The following UNC5C variants were observed in gnomAD, a reference collection of about 807,000 sequenced individuals.
The protein encoded by UNC5C is unc-5 netrin receptor C.
A neutral mutation model predicts 99.8 loss-of-function variants in UNC5C; 47 were observed. The observed-to-expected ratio is 0.47, with a 90% CI of 0.37 to 0.60. UNC5C has a LOEUF of 0.60. UNC5C is among the 20% of genes least tolerant of loss of function. UNC5C has a pLI of 0.00. For synonymous variants in UNC5C, 487 were observed against 452.2 expected, an observed-to-expected ratio of 1.08 and a Z score of -0.98; for missense variants, 1,062 against 1,165.9, an observed-to-expected ratio of 0.91 and a Z score of 1.30.
Position 95,169,317 on chromosome 4 carries a change from T to G in UNC5C, c.2713A>C (p.Asn905His). The G allele has an allele frequency of 6.2e-7, 1 of 1,614,244 alleles. No homozygotes were observed. The highest frequency in any genetic ancestry group is 8.5e-7 in the Non-Finnish European group (1 of 1,180,046). ...AAGACAGCTGCCAGCATGCTCAGGT[T>G]TCCATCTGGGAAGTTCTGTGCTTCC... is the stretch of plus-strand genomic sequence containing the variant. Reference protein sequence around the residue: ...LWEAQNFPDGNLSMLAAVLEE... With the variant: ...LWEAQNFPDGHLSMLAAVLEE... The change falls in exon 16 of 16, where the codon AAC (asparagine) becomes CAC (histidine). Residue 905 changes from asparagine to histidine, a missense_variant. Physicochemically the swap from Asn to His is moderately conservative, Grantham distance 68 (BLOSUM62 1). Around this residue, in one of 3 missense-constraint regions of UNC5C, gnomAD observed 810 missense variants for 854.5 expected, o/e 0.95. Transcript: ENST00000453304.
chr4:95,265,811 C>T lies in UNC5C; in HGVS notation c.594+12448G>A, dbSNP rs537197674. ...CCCACTAATTGAGCTTGCAGCCTTGCGCAGGCTATAAGCTCCCAGAATCAT... is the reference window on the plus strand; with the variant it reads ...CCCACTAATTGAGCTTGCAGCCTTGTGCAGGCTATAAGCTCCCAGAATCAT... On this transcript the variant is annotated intron_variant, in intron 4 of 15. Transcript: ENST00000453304. Among the ~76,000 whole-genome samples, 6 of 152,256 alleles carry T rather than the reference C, an allele frequency of 3.9e-5. No homozygotes were observed. In the South Asian group the frequency reaches 6.2e-4, roughly 16 times the overall value.
At chr4:95,404,796 C>T (rs1392288751) in intron 1 of UNC5C, among the ~76,000 whole-genome samples, 1 of 152,192 alleles carries the variant, frequency 6.6e-6, no homozygotes, top group Non-Finnish European at 1.5e-5. Context: ...CATATAAACC[C>T]TGAACCCCAA....
At chr4:95,499,488 A>G (rs1379547765) in intron 1 of UNC5C, among the ~76,000 whole-genome samples, 1 of 152,134 alleles carries the variant, frequency 6.6e-6, no homozygotes, top group East Asian at 1.9e-4. Context: ...AAGGGCAGGT[A>G]GCATGACCAT....
chr4:95,495,805 C>T (rs1037389312), intron 1 of UNC5C, among the ~76,000 whole-genome samples: 2 of 151,312 alleles, frequency 1.3e-5, no homozygotes, highest in Non-Finnish European at 3.0e-5. Flanking sequence ...AAAACTCTGT[C>T]GACTACAGAA....
chr4:95,211,451 G>A (rs577849301), intron 10 of UNC5C, among the ~76,000 whole-genome samples: 118 of 152,282 alleles, frequency 7.7e-4, no homozygotes, highest in African/African-American at 2.5e-3. Context: ...CCTCCATTGA[G>A]GGACACTGAT....
At chr4:95,225,362 A>G (rs1738646150) in intron 7 of UNC5C, among the ~76,000 whole-genome samples, 1 of 152,060 alleles carries the variant, frequency 6.6e-6, no homozygotes, top group Non-Finnish European at 1.5e-5. Flanking sequence ...TGGCCTCCAC[A>G]GTGAGTTTTG....
chr4:95,432,022 G>A (rs1483748), intron 1 of UNC5C, among the ~76,000 whole-genome samples: 37,218 of 151,908 alleles, frequency 0.25, 5,642 homozygotes, highest in Non-Finnish European at 0.34. Flanking sequence ...AGATGTAAAA[G>A]GAAATGAATA....
At chr4:95,541,937 G>A (rs1349646394) in intron 1 of UNC5C, among the ~76,000 whole-genome samples, 1 of 152,148 alleles carries the variant, frequency 6.6e-6, no homozygotes, top group Non-Finnish European at 1.5e-5. Context: ...AACTTGTTAA[G>A]TGTGCTGAGG....
intron 12 of UNC5C, among the ~76,000 whole-genome samples, 197 bp downstream of exon 12, chr4:95,202,534 G>GA (rs1323223323): frequency 1.3e-5 from 2 of 152,214 alleles, no homozygotes; most frequent in Admixed American, 6.5e-5. Flanking sequence ...CCCTTGGGAG[G>GA]AATCAGTGTA....
At chr4:95,179,792 T>G (rs1039643369) in intron 14 of UNC5C, among the ~76,000 whole-genome samples, 4 of 150,648 alleles carry the variant, frequency 2.7e-5, no homozygotes, top group Non-Finnish European at 4.4e-5. Context: ...TAATAAATAC[T>G]GCCCCCTAAA....
chr4:95,360,679 C>T (rs1252668471), intron 1 of UNC5C, among the ~76,000 whole-genome samples: 8 of 152,046 alleles, frequency 5.3e-5, no homozygotes, highest in East Asian at 1.9e-4. Flanking sequence ...CTGAAACAGA[C>T]GAGAGTGATT....
At chr4:95,404,863 G>T (rs112693238) in intron 1 of UNC5C, among the ~76,000 whole-genome samples, 2,003 of 152,268 alleles carry the variant, frequency 0.013, 49 homozygotes, top group African/African-American at 0.046. Context: ...GAACAACGTG[G>T]CAGAGAAAGG....
intron 1 of UNC5C, among the ~76,000 whole-genome samples, chr4:95,523,633 C>T (rs1722419989): frequency 6.6e-6 from 1 of 151,934 alleles, no homozygotes; most frequent in Non-Finnish European, 1.5e-5. Flanking sequence ...GCTAGTTTCA[C>T]CAAAGTGACT....
chr4:95,450,394 T>A (rs1024822187), intron 1 of UNC5C, among the ~76,000 whole-genome samples: 1 of 152,080 alleles, frequency 6.6e-6, no homozygotes, highest in African/African-American at 2.4e-5. Flanking sequence ...TAATTAAAAA[T>A]TTTTTTTCTG....
chr4:95,461,674 G>A (rs1578176382), intron 1 of UNC5C, among the ~76,000 whole-genome samples: 1 of 152,106 alleles, frequency 6.6e-6, no homozygotes, highest in East Asian at 1.9e-4. Context: ...TGACAACCCT[G>A]GGCTTGGGGC....
intron 1 of UNC5C, among the ~76,000 whole-genome samples, chr4:95,435,727 A>T (rs1746762367): frequency 6.6e-6 from 1 of 152,090 alleles, no homozygotes; most frequent in African/African-American, 2.4e-5. Context: ...GTAACTCCCA[A>T]GCTGCAACTC....
At chr4:95,275,031 A>AAACAAAACAAAACAG (rs1414755170) in intron 4 of UNC5C, among the ~76,000 whole-genome samples, 64 of 152,156 alleles carry the variant, frequency 4.2e-4, no homozygotes, top group Non-Finnish European at 7.1e-4. Flanking sequence ...GTGTCAAACA[A>AAACAAAACAAAACAG]AACAAAACAA....
At chr4:95,309,834 G>A (rs778638315) in intron 2 of UNC5C, among the ~76,000 whole-genome samples, 1 of 152,162 alleles carries the variant, frequency 6.6e-6, no homozygotes, top group African/African-American at 2.4e-5. Context: ...TGGTGGGAAT[G>A]TAAATTAATA....
intron 12 of UNC5C, among the ~76,000 whole-genome samples, chr4:95,199,815 A>G (rs577525159): frequency 2.0e-5 from 3 of 152,276 alleles, no homozygotes; most frequent in South Asian, 4.1e-4. Context: ...ATCAGACCCC[A>G]TGGCTCCCCT....
Sources: gnomAD v4.1 joint callset for allele counts (sites outside exome capture counted in the v4.1 genomes callset) on GRCh38, gnomAD v4.1.1 for gene constraint, gnomAD v4.1.1 regional missense constraint, MANE v1.5 for transcripts, NCBI Gene and HGNC (gene_info 2026-07-23, HGNC 2026-07-21) for gene names.